The following OR2L13 variants were observed in gnomAD, a reference collection of about 807,000 sequenced individuals.
OR2L13 encodes olfactory receptor 2L13.
Under a neutral mutation model 15.3 loss-of-function variants are expected in OR2L13, and 14 were observed. The observed-to-expected ratio is 0.91, with a 90% CI of 0.60 to 1.43. The LOEUF is 1.43. Ranked by LOEUF, OR2L13 falls within the 40% of genes most tolerant of loss-of-function variation. The pLI is 0.00. For missense variants in OR2L13, 367 were observed against 387.9 expected (o/e 0.95, Z 0.45); for synonymous variants, 152 against 142.9 (o/e 1.06, Z -0.45).
the OR2L13 span, among the ~76,000 whole-genome samples, chr1:247,948,057 T>C: frequency 0.8 from 120,849 of 151,878 alleles, 52,427 homozygotes; most frequent in South Asian, 0.95. Flanking sequence ...TCTACAAAAG[T>C]ATAAAGTTAA....
chr1:247,948,472 GAT>G, the OR2L13 span, among the ~76,000 whole-genome samples: 1 of 151,986 alleles, frequency 6.6e-6, no homozygotes, highest in Non-Finnish European at 1.5e-5. Flanking sequence ...AACAAATGTT[GAT>G]CTCATCAAAT....
At chr1:247,997,567 G>A in the OR2L13 span, among the ~76,000 whole-genome samples, 1 of 152,128 alleles carries the variant, frequency 6.6e-6, no homozygotes, top group African/African-American at 2.4e-5. Flanking sequence ...AAACCAAACT[G>A]AGAGAGAAAT....
chr1:248,083,653 C>A, the OR2L13 span: 15 of 1,516,012 alleles, frequency 9.9e-6, no homozygotes, highest in Non-Finnish European at 1.4e-5. Context: ...CTGTGGGCCT[C>A]ATTTTGCTGG....
upstream of OR2L13, among the ~76,000 whole-genome samples, chr1:248,090,296 A>G (rs994110756): frequency 2.7e-5 from 4 of 147,978 alleles, no homozygotes; most frequent in Non-Finnish European, 4.5e-5. Flanking sequence ...TTCGTTTAGT[A>G]TGTTTTTTAA....
At chr1:247,987,537 G>A in the OR2L13 span, among the ~76,000 whole-genome samples, 37 of 152,086 alleles carry the variant, frequency 2.4e-4, no homozygotes, top group South Asian at 1.2e-3. Context: ...TCACTTTAAT[G>A]TTTTATTCAA....
the OR2L13 span, among the ~76,000 whole-genome samples, chr1:248,070,195 C>G: frequency 6.6e-6 from 1 of 152,138 alleles, no homozygotes; most frequent in African/African-American, 2.4e-5. Context: ...CCACAACACG[C>G]CTATTCCAAA....
the OR2L13 span, among the ~76,000 whole-genome samples, chr1:248,072,263 C>T: frequency 1.3e-5 from 2 of 152,180 alleles, no homozygotes; most frequent in Non-Finnish European, 2.9e-5. Flanking sequence ...CAGCATGGTA[C>T]TGGTACCAAA....
At chr1:248,100,298 C>G (rs770966073) in exon 3 of OR2L13, 12 of 1,599,158 alleles carry the variant, frequency 7.5e-6, no homozygotes, top group South Asian at 5.5e-5. Flanking sequence ...GGGATATTCT[C>G]TTTCCTGAAA....
At chr1:248,035,556 G>A in the OR2L13 span, 19 of 152,182 alleles carry the variant, frequency 1.2e-4, no homozygotes, top group South Asian at 2.1e-4. Flanking sequence ...CAAGTAATGC[G>A]TAGACATGGT....
chr1:248,006,277 GTGTGTGTGTT>G, the OR2L13 span, among the ~76,000 whole-genome samples: 3 of 144,834 alleles, frequency 2.1e-5, no homozygotes, highest in Non-Finnish European at 3.0e-5. Context: ...GTGTGTGTGT[GTGTGTGTGTT>G]TGTGTGCATA....
At chr1:248,083,863 C>G in the OR2L13 span, 4 of 1,612,308 alleles carry the variant, frequency 2.5e-6, no homozygotes, top group Non-Finnish European at 3.4e-6. Context: ...AGTCCCACCA[C>G]AGCCACATGT....
the OR2L13 span, among the ~76,000 whole-genome samples, chr1:248,055,264 C>T: frequency 6.6e-6 from 1 of 152,156 alleles, no homozygotes; most frequent in Non-Finnish European, 1.5e-5. Flanking sequence ...TATGTACAAC[C>T]AGCTTGCATC....
chr1:248,007,724 C>G, the OR2L13 span, among the ~76,000 whole-genome samples: 2 of 152,026 alleles, frequency 1.3e-5, no homozygotes, highest in East Asian at 3.9e-4. Flanking sequence ...TAATTATTTC[C>G]TGTCTTTGGA....
At chr1:247,994,257 C>A in the OR2L13 span, among the ~76,000 whole-genome samples, 5 of 152,056 alleles carry the variant, frequency 3.3e-5, no homozygotes, top group Middle Eastern at 3.2e-3. Flanking sequence ...ATTAGCCGGG[C>A]GTGGTGGCGG....
exon 3 of OR2L13, chr1:248,099,597 C>T (rs1428420135): frequency 6.2e-7 from 1 of 1,613,904 alleles, no homozygotes; most frequent in Non-Finnish European, 8.5e-7. Context: ...TGTACATCTC[C>T]ACCACCGTCC....
chr1:247,992,113 C>G, the OR2L13 span, among the ~76,000 whole-genome samples: 1 of 149,176 alleles, frequency 6.7e-6, no homozygotes, highest in African/African-American at 2.5e-5. Flanking sequence ...CCTCTTCCTA[C>G]TACTCAGCCT....
chr1:248,073,881 A>C, the OR2L13 span, among the ~76,000 whole-genome samples: 11 of 152,070 alleles, frequency 7.2e-5, no homozygotes, highest in East Asian at 2.1e-3. Context: ...AACTCTATAA[A>C]GCTCTAAAAA....
chr1:247,944,138 A>T, the OR2L13 span, among the ~76,000 whole-genome samples: 5 of 152,150 alleles, frequency 3.3e-5, no homozygotes, highest in South Asian at 2.1e-4. Context: ...GTTCTTTTTT[A>T]AAAAAAGTCA....
chr1:247,965,367 G>C, the OR2L13 span: 1 of 1,602,386 alleles, frequency 6.2e-7, no homozygotes, highest in Non-Finnish European at 8.5e-7. Flanking sequence ...TTGATATTTT[G>C]GTTTCAGCCA....
Sources: gnomAD v4.1 joint callset for allele counts (sites outside exome capture counted in the v4.1 genomes callset) on GRCh38, gnomAD v4.1.1 for gene constraint, MANE v1.5 for transcripts, NCBI Gene and HGNC (gene_info 2026-07-23, HGNC 2026-07-21) for gene names.